Variants in FLNC observed in about 807,000 individuals in gnomAD.
FLNC encodes filamin-C.
A neutral mutation model predicts 254.3 loss-of-function variants in FLNC; 91 were observed. The ratio of observed to expected loss-of-function variants is 0.36; its 90% confidence interval spans 0.30 to 0.43. The LOEUF (loss-of-function observed/expected upper bound fraction) is 0.43, where lower values mean the gene tolerates loss of function less well. FLNC is among the 20% of genes least tolerant of loss of function. The probability of loss-of-function intolerance (pLI) is 1.00; values close to 1 mark genes in which losing one functional copy is unlikely to be tolerated. For missense variants in FLNC, 2,853 were observed against 3,802.6 expected (o/e 0.75, Z 6.57); for synonymous variants, 1,430 against 1,577.2 (o/e 0.91, Z 2.21).
rs559720811 is a variant in FLNC at position 128,858,697 on chromosome 7, G to T, written c.*174G>T. ...GCCTCCCCACCCCACCGCGCCCCAG[G>T]GGTTGGAGGACCTTGTCTGTGTCAG... On this transcript the variant is annotated 3_prime_UTR_variant, in exon 48 of 48. Transcript: ENST00000325888. This position sits in a 1 kb window ranked among gnomAD's most constrained non-coding sequence, Gnocchi z 6.7. The T allele has an allele frequency of 4.8e-6, 3 of 631,540 alleles. No individual in the cohort carries two copies. The highest frequency in any genetic ancestry group is 8.5e-6 in the Non-Finnish European group (3 of 351,868). 39.1% of individuals were successfully genotyped at this position (631,540 alleles called of 1,614,324 possible).
chr7:128,848,061 C>A lies in FLNC; in HGVS notation c.4573C>A (p.Pro1525Thr). ...CGTCAAGTATGCTGACCAGGAGGTGCCACGCAGGTGAGGACCAGCCCTGGG... is the reference window on the plus strand; with the variant it reads ...CGTCAAGTATGCTGACCAGGAGGTGACACGCAGGTGAGGACCAGCCCTGGG... ...VAVKYADQEV[P>T]RSPFKIKVLP... The change falls in exon 26 of 48, where the codon CCA (proline) becomes ACA (threonine). Residue 1525 changes from proline to threonine, a missense_variant. By Grantham distance (38) the Pro-to-Thr change is conservative. Around this residue, in one of 10 missense-constraint regions of FLNC, gnomAD observed 1,573 missense variants for 1,883.5 expected, o/e 0.84. Coordinates refer to ENST00000325888, the MANE Select transcript of FLNC (RefSeq NM_001458.5). 1 of 1,603,442 alleles carries A rather than the reference C, an allele frequency of 6.2e-7. No homozygotes were observed. Among genetic ancestry groups the A allele is most frequent in the Non-Finnish European group, 8.5e-7 (1 of 1,174,816 alleles).
chr7:128,831,013 G>A, intron 1 of FLNC, 24 bp downstream of exon 1: 10 of 1,596,428 alleles, frequency 6.3e-6, no homozygotes, highest in Non-Finnish European at 7.7e-6. Context: ...GCGAGGGCAC[G>A]GGCGCTGCGG....
At position 128,855,182 on chromosome 7, in the gene FLNC, C is replaced by G. The variant is rs1390703289; in HGVS notation, c.7136-17C>G. 1 of 1,551,090 alleles carries G rather than the reference C, an allele frequency of 6.4e-7. No homozygotes were observed. The highest frequency in any genetic ancestry group is 1.1e-5 in the South Asian group (1 of 89,814). On this transcript the variant is annotated splice_polypyrimidine_tract_variant and intron_variant, in intron 42 of 47. Transcript: ENST00000325888. ...ACCTCCATCCCGGAACCTGTGCTGA[C>G]TGGTCTCTCTCCCCAGGTGACTATG...
chr7:128,856,604 A>G lies in FLNC; in HGVS notation c.7338A>G (p.Thr2446=), dbSNP rs1289250206. The change falls in exon 44 of 48, where the codon ACA becomes ACG. Residue 2446 remains threonine (T), a synonymous_variant. Transcript: ENST00000325888. This position sits in a 1 kb window ranked among gnomAD's most constrained non-coding sequence, Gnocchi z 5.9. The part of the protein sequence containing the change: ...ARGVIDARVH[T]PSGAVEECYV... ...GCGTGATTGATGCCCGGGTGCACAC[A>G]CCCTCGGGGGCTGTGGAGGAGTGCT... The G allele has an allele frequency of 6.2e-7, 1 of 1,612,704 alleles. No individual in the cohort carries two copies. The highest frequency in any genetic ancestry group is 1.1e-5 in the South Asian group (1 of 91,086).
Position 128,837,233 on chromosome 7 carries a change from C to T in FLNC, c.675C>T (p.Ala225=), listed in dbSNP as rs780730123. ...VENAREAMQQ[A]DDWLGVPQVI... is the part of the protein sequence containing the mutation. ...ACGCCCGGGAGGCCATGCAGCAGGC[C>T]GACGACTGGCTTGGGGTGCCCCAGG... Residue 225 remains alanine, a synonymous_variant, in exon 3 of 48, where the codon GCC becomes GCT. Transcript: ENST00000325888. 4 of 1,589,968 alleles carry T rather than the reference C, an allele frequency of 2.5e-6. No homozygotes were observed. Among genetic ancestry groups the T allele is most frequent in the South Asian group, 2.3e-5 (2 of 87,360 alleles).
At position 128,857,176 on chromosome 7, in the gene FLNC, C is replaced by G; in HGVS notation, c.7620C>G (p.Val2540=). The change falls in exon 46 of 48, where the codon GTC becomes GTG. Residue 2540 remains valine (V), a synonymous_variant. Transcript: ENST00000325888. This position sits in a 1 kb window ranked among gnomAD's most constrained non-coding sequence, Gnocchi z 4.5. ...TLNAGSGALS[V]TIDGPSKVQL... ...ATGCCGGCTCGGGGGCCTTGTCTGT[C>G]ACCATTGATGGCCCCTCCAAGGTGC... 6.2e-7 allele frequency: 1 copy of G among 1,614,148 alleles called. No homozygotes were observed.
chr7:128,848,866 C>T lies in FLNC; in HGVS notation c.4811C>T (p.Pro1604Leu), dbSNP rs778021239. 3.7e-6 allele frequency: 6 copies of T among 1,614,082 alleles called. No individual in the cohort carries two copies. Among genetic ancestry groups the T allele is most frequent in the Non-Finnish European group, 4.2e-6 (5 of 1,180,010 alleles). Residue 1604 changes from proline (P) to leucine (L), a missense_variant, in exon 28 of 48, where the codon CCG becomes CTG. Around this residue, in one of 10 missense-constraint regions of FLNC, gnomAD observed 1,573 missense variants for 1,883.5 expected, o/e 0.84. Transcript: ENST00000325888. ...GGCACGTACACTGTGTCCTACCTGCCGGACATGAGTGGCCGGTACACCATC... is the reference window on the plus strand; with the variant it reads ...GGCACGTACACTGTGTCCTACCTGCTGGACATGAGTGGCCGGTACACCATC... ...GDGTYTVSYLPDMSGRYTITI... is the reference protein window; with the variant it reads ...GDGTYTVSYLLDMSGRYTITI...
chr7:128,858,711 T>C lies in FLNC; in HGVS notation c.*188T>C. 1 of 619,020 alleles carries C rather than the reference T, an allele frequency of 1.6e-6. No individual in the cohort carries two copies. Among genetic ancestry groups the C allele is most frequent in the Non-Finnish European group, 2.9e-6 (1 of 343,980 alleles). The allele number at this position is 619,020 out of a possible 1,614,324, so 38.3% of individuals were successfully genotyped here. ...CCGCGCCCCAGGGGTTGGAGGACCT[T>C]GTCTGTGTCAGGACAGTGTCCCTCC... On this transcript the variant is annotated 3_prime_UTR_variant, in exon 48 of 48. Transcript: ENST00000325888. The surrounding 1 kb of genome is among the most constrained non-coding windows in gnomAD (Gnocchi z 6.7).
chr7:128,853,312 C>A, intron 37 of FLNC, 157 bp from the exon 38 acceptor site: 1 of 903,622 alleles, frequency 1.1e-6, no homozygotes. Flanking sequence ...ACCGCCTGTC[C>A]CGTGGTGCCC....
intron 26 of FLNC, 125 bp downstream of exon 26, chr7:128,848,193 C>G: frequency 1.7e-6 from 2 of 1,206,206 alleles, no homozygotes; most frequent in Non-Finnish European, 2.4e-6. Flanking sequence ...CTCGTCCAGT[C>G]TCGCCACCCC....
intron 35 of FLNC, 47 bp downstream of exon 35, chr7:128,851,675 G>T (rs368312606): frequency 5.5e-5 from 88 of 1,588,404 alleles, no homozygotes; most frequent in Admixed American, 3.7e-4. Flanking sequence ...CACACACACC[G>T]CATACAGTGC....
rs1469518244 is a variant in FLNC at position 128,848,205 on chromosome 7, TC to T, written c.4580+140del. Reference sequence around the variant, plus strand: ...AGCCTCGTCCAGTCTCGCCACCCCATCCCGCTCTTCCCCGGGGCTCTCTGCT... The same window carrying T: ...AGCCTCGTCCAGTCTCGCCACCCCATCCGCTCTTCCCCGGGGCTCTCTGCT... On this transcript the variant is annotated intron_variant, in intron 26 of 47. Transcript: ENST00000325888. 4.5e-6 allele frequency: 5 copies of T among 1,116,730 alleles called. No homozygotes were observed. In the East Asian group the frequency reaches 1.3e-4, roughly 29 times the overall value. 69.2% of individuals were successfully genotyped at this position (1,116,730 alleles called of 1,614,324 possible). A position where few individuals can be genotyped will look rare whatever the true frequency, so the allele number is the denominator to read the frequency against.
chr7:128,848,742 G>A (rs1214975440), intron 27 of FLNC, 25 bp downstream of exon 27: 8 of 1,613,942 alleles, frequency 5.0e-6, no homozygotes, highest in African/African-American at 1.3e-5. Context: ...ATCCCACCCC[G>A]CAGGTCATGC....
chr7:128,847,497 T>C (rs1015462303), intron 24 of FLNC, among the ~76,000 whole-genome samples, 200 bp from the exon 25 acceptor site: 3 of 152,246 alleles, frequency 2.0e-5, no homozygotes, highest in Non-Finnish European at 2.9e-5. Flanking sequence ...ATGAGTGAGG[T>C]TTGCCCAGCC....
chr7:128,850,758 A>G, intron 32 of FLNC, 45 bp from the exon 33 acceptor site: 1 of 1,612,954 alleles, frequency 6.2e-7, no homozygotes, highest in Non-Finnish European at 8.5e-7. Context: ...GGGAGGTTGC[A>G]GTGGGGGAAA....
chr7:128,841,142 T>C lies in FLNC; in HGVS notation c.1814-28T>C, dbSNP rs2291565. 124,975 of 1,609,970 alleles carry C rather than the reference T, an allele frequency of 0.078. 12,357 individuals are homozygous for C. Among genetic ancestry groups the C allele is most frequent in the African/African-American group, 0.41 (30,387 of 74,814 alleles). ...CGGAAGGGTCTTGCCTGATGCTGGATCCCCGACCCTCCCCCACCTTGCCCC... is the reference window on the plus strand; with the variant it reads ...CGGAAGGGTCTTGCCTGATGCTGGACCCCCGACCCTCCCCCACCTTGCCCC... On this transcript the variant is annotated intron_variant, in intron 11 of 47. Transcript: ENST00000325888. The surrounding 1 kb of genome is among the most constrained non-coding windows in gnomAD (Gnocchi z 4.3).
Position 128,853,841 on chromosome 7 carries a change from G to A in FLNC, c.6484+4G>A. ...GACCTCAACCTCAAGATCCCAGGTA[G>A]AAGCCTGGAGGACCCTGGGTGGGGC... is the stretch of plus-strand genomic sequence containing the variant. On this transcript the variant is annotated splice_donor_region_variant and intron_variant, in intron 39 of 47. Coordinates refer to ENST00000325888, the MANE Select transcript of FLNC (RefSeq NM_001458.5). The A allele has an allele frequency of 6.2e-7, 1 of 1,613,428 alleles. No individual in the cohort carries two copies. The highest frequency in any genetic ancestry group is 8.5e-7 in the Non-Finnish European group (1 of 1,180,004).
Position 128,837,709 on chromosome 7 carries a change from G to A in FLNC, c.923G>A (p.Gly308Asp). ...GTGCAGACGGTGGACGCGGGCGTGG[G>A]CGAGGTGCTGGTCTACATCGAGGAC... ...FTVQTVDAGV[G>D]EVLVYIEDPE... The change falls in exon 5 of 48, where the codon GGC becomes GAC. Residue 308 changes from glycine to aspartate, a missense_variant. Transcript: ENST00000325888. The A allele has an allele frequency of 6.2e-7, 1 of 1,606,314 alleles. No individual in the cohort carries two copies. The highest frequency in any genetic ancestry group is 8.5e-7 in the Non-Finnish European group (1 of 1,177,356).
Position 128,840,529 on chromosome 7 carries a change from C to T in FLNC, c.1550-19C>T. 2 of 1,614,132 alleles carry T rather than the reference C, an allele frequency of 1.2e-6. No homozygotes were observed. Among genetic ancestry groups the T allele is most frequent in the Non-Finnish European group, 1.7e-6 (2 of 1,180,008 alleles). On this transcript the variant is annotated intron_variant, in intron 9 of 47. Transcript: ENST00000325888. ...GATATTGATCTGCCTTCTTCCCCAC[C>T]CTGCCCCCATCTCCTCAGAGGGCAC...
Sources: gnomAD v4.1 joint callset for allele counts (sites outside exome capture counted in the v4.1 genomes callset) on GRCh38, gnomAD v4.1.1 for gene constraint, gnomAD v4.1.1 regional missense constraint, Gnocchi (gnomAD v3.1) non-coding constraint, MANE v1.5 for transcripts, NCBI Gene and HGNC (gene_info 2026-07-23, HGNC 2026-07-21) for gene names.